The following CLASP2 variants were observed in gnomAD, a reference collection of about 807,000 sequenced individuals.
CLASP2 encodes CLIP-associating protein 2.
Under a neutral mutation model 194.4 loss-of-function variants are expected in CLASP2, and 47 were observed. That is an observed-to-expected ratio of 0.24 (90% CI 0.19 to 0.31). The LOEUF (loss-of-function observed/expected upper bound fraction) is 0.31. Ranked by LOEUF, CLASP2 falls within the 10% of genes least tolerant of loss-of-function variation. CLASP2 has a pLI of 1.00. For missense variants in CLASP2, 1,445 were observed against 1,823.6 expected (o/e 0.79, Z 3.78); for synonymous variants, 619 against 633.5 (o/e 0.98, Z 0.34).
chr3:33,648,197 A>ATT (rs1471851629), intron 7 of CLASP2, among the ~76,000 whole-genome samples: 2 of 152,210 alleles, frequency 1.3e-5, no homozygotes, highest in Admixed American at 1.3e-4. Context: ...TCTCTTAAAT[A>ATT]TAAATGAACT....
At chr3:33,551,203 A>G (rs367739706) in intron 30 of CLASP2, 49 bp downstream of exon 30, 3 of 1,529,674 alleles carry the variant, frequency 2.0e-6, no homozygotes, top group African/African-American at 1.4e-5. Flanking sequence ...ATCCATAATA[A>G]CTGACTTGCT....
chr3:33,645,242 C>T (rs1296441193), intron 7 of CLASP2: 5 of 764,996 alleles, frequency 6.5e-6, no homozygotes, highest in South Asian at 2.7e-5. Context: ...TCTTCTAGCA[C>T]GCCCTGCCTT....
intron 29 of CLASP2, among the ~76,000 whole-genome samples, chr3:33,556,682 C>T (rs2060990368): frequency 6.6e-6 from 1 of 152,164 alleles, no homozygotes; most frequent in African/African-American, 2.4e-5. Context: ...GATGATCCAC[C>T]TACCTTGGCC....
At chr3:33,531,775 C>CAAAACA (rs367939263) in intron 34 of CLASP2, among the ~76,000 whole-genome samples, 4,321 of 151,870 alleles carry the variant, frequency 0.028, 201 homozygotes, top group African/African-American at 0.098. Flanking sequence ...AACTCTGTCT[C>CAAAACA]AAAACAAAAA....
intron 23 of CLASP2, among the ~76,000 whole-genome samples, chr3:33,581,222 T>A (rs1327911931): frequency 6.6e-6 from 1 of 152,156 alleles, no homozygotes; most frequent in Non-Finnish European, 1.5e-5. Context: ...AATATTTTTA[T>A]AATTGAGGTA....
chr3:33,672,740 T>C (rs2087599737), intron 6 of CLASP2, among the ~76,000 whole-genome samples: 3 of 152,032 alleles, frequency 2.0e-5, no homozygotes, highest in Non-Finnish European at 2.9e-5. Flanking sequence ...TACAGAGAAG[T>C]GCTTAAAGGA....
intron 38 of CLASP2, among the ~76,000 whole-genome samples, chr3:33,499,310 G>A (rs927682755): frequency 1.2e-4 from 18 of 151,442 alleles, no homozygotes; most frequent in African/African-American, 4.1e-4. Flanking sequence ...GGAACTGTGA[G>A]TCAATTAAAT....
chr3:33,548,981 C>G (rs2059590576), intron 30 of CLASP2, among the ~76,000 whole-genome samples: 2 of 151,884 alleles, frequency 1.3e-5, no homozygotes, highest in African/African-American at 4.8e-5. Context: ...TCATATTGCC[C>G]AGTCTGGTCT....
intron 6 of CLASP2, 47 bp from the exon 7 acceptor site, chr3:33,663,562 T>C (rs749205025): frequency 1.0e-5 from 13 of 1,281,230 alleles, no homozygotes; most frequent in Admixed American, 1.8e-5. Flanking sequence ...TTAAAACATA[T>C]AGATTAAATA....
At chr3:33,672,738 A>G (rs1399030462) in intron 6 of CLASP2, among the ~76,000 whole-genome samples, 5 of 152,330 alleles carry the variant, frequency 3.3e-5, no homozygotes, top group African/African-American at 1.2e-4. Context: ...AATACAGAGA[A>G]GTGCTTAAAG....
At chr3:33,591,865 TA>T (rs1430935422) in intron 21 of CLASP2, among the ~76,000 whole-genome samples, 1 of 152,214 alleles carries the variant, frequency 6.6e-6, no homozygotes, top group African/African-American at 2.4e-5. Flanking sequence ...CAAAAATAGA[TA>T]ATCTAACAGA....
At position 33,498,588 on chromosome 3, in the gene CLASP2, T is replaced by G. The variant is rs748648284; in HGVS notation, c.*43A>C. On this transcript the variant is annotated 3_prime_UTR_variant, in exon 39 of 39. Coordinates refer to ENST00000682230, the MANE Select transcript of CLASP2 (RefSeq NM_001365631.1). ...CTTTCATTGATGAGGGTGGTCTATCTGTCCTTTCTTTTGAGAGACCTGGTT... is the reference window on the plus strand; with the variant it reads ...CTTTCATTGATGAGGGTGGTCTATCGGTCCTTTCTTTTGAGAGACCTGGTT... 1 of 1,285,472 alleles carries G rather than the reference T, an allele frequency of 7.8e-7. No homozygotes were observed. The highest frequency in any genetic ancestry group is 1.2e-5 in the South Asian group (1 of 81,868). The allele number at this position is 1,285,472 out of a possible 1,614,324, so 79.6% of individuals were successfully genotyped here.
chr3:33,514,612 A>C (rs2050770729), intron 36 of CLASP2: 1 of 252,978 alleles, frequency 4.0e-6, no homozygotes, highest in African/African-American at 2.2e-5. Flanking sequence ...TTCTCTTAGA[A>C]ATACAGTCCT....
chr3:33,592,510 T>C lies in CLASP2; in HGVS notation c.1967-14A>G, dbSNP rs1377347999. On this transcript the variant is annotated splice_polypyrimidine_tract_variant and intron_variant, in intron 20 of 38. Transcript: ENST00000682230. ...CTCTCACCCGGCCTGAGAAATAAAA[T>C]ATTTACATAATTAAAAACATTTTTC... is the stretch of plus-strand genomic sequence containing the variant. The C allele has an allele frequency of 1.9e-6, 3 of 1,581,906 alleles. No homozygotes were observed. The highest frequency in any genetic ancestry group is 3.4e-5 in the Admixed American group (2 of 58,952).
In CLASP2 at chr3:33,510,764, C is replaced by T; in HGVS notation, c.4111G>A (p.Val1371Met). ...LEAHKDPHKE[V>M]VRSAEEAASV... Reference sequence around the variant, plus strand: ...GCCGCTTCCTCAGCAGATCTCACCACCTAAAAAAAATAGGAAATTAAGCCA... The same window carrying T: ...GCCGCTTCCTCAGCAGATCTCACCATCTAAAAAAAATAGGAAATTAAGCCA... Residue 1371 changes from valine (V) to methionine (M), a missense_variant and splice_region_variant, in exon 37 of 39, where the codon GTG (valine) becomes ATG (methionine). Coordinates refer to ENST00000682230, the MANE Select transcript of CLASP2 (RefSeq NM_001365631.1). 6.3e-7 allele frequency: 1 copy of T among 1,599,140 alleles called. No individual in the cohort carries two copies. Among genetic ancestry groups the T allele is most frequent in the Non-Finnish European group, 8.5e-7 (1 of 1,173,056 alleles).
At chr3:33,668,218 C>CA (rs1439967084) in intron 6 of CLASP2, among the ~76,000 whole-genome samples, 4 of 151,986 alleles carry the variant, frequency 2.6e-5, no homozygotes, top group Non-Finnish European at 5.9e-5. Flanking sequence ...GACTCCAACT[C>CA]AAAAAAACAA....
chr3:33,522,984 G>C (rs926072132), intron 34 of CLASP2, among the ~76,000 whole-genome samples: 1 of 152,200 alleles, frequency 6.6e-6, no homozygotes, highest in African/African-American at 2.4e-5. Flanking sequence ...GCTGAGACAG[G>C]AGAATGGCAC....
intron 34 of CLASP2, among the ~76,000 whole-genome samples, chr3:33,519,819 A>T (rs2052462062): frequency 6.6e-6 from 1 of 152,204 alleles, no homozygotes. Flanking sequence ...ACATTAGACT[A>T]TGATGAAGTA....
At chr3:33,645,929 T>A (rs1224006058) in intron 7 of CLASP2, among the ~76,000 whole-genome samples, 1 of 135,118 alleles carries the variant, frequency 7.4e-6, no homozygotes, top group Non-Finnish European at 1.6e-5. Context: ...TCTCCCAGCA[T>A]ACACACACAC....
Sources: allele counts gnomAD v4.1 joint callset (sites outside exome capture counted in the v4.1 genomes callset), GRCh38; gene constraint gnomAD v4.1.1; transcripts MANE v1.5; gene names NCBI Gene and HGNC (gene_info 2026-07-23, HGNC 2026-07-21).